The following DBH variants were observed in gnomAD, a reference collection of about 807,000 sequenced individuals.
DBH encodes the protein dopamine beta-hydroxylase, also known as dopamine beta-hydroxylase (dopamine beta-monooxygenase).
Under a neutral mutation model 64.0 loss-of-function variants are expected in DBH, and 49 were observed. The ratio of observed to expected loss-of-function variants is 0.77; its 90% CI spans 0.61 to 0.97. DBH has a LOEUF of 0.97. DBH is among the 50% of genes least tolerant of loss of function. The pLI, the probability that DBH is intolerant of heterozygous loss-of-function variation, is 0.00. For synonymous variants in DBH, 343 were observed against 347.1 expected, an observed-to-expected ratio of 0.99 and a Z score of 0.13; for missense variants, 828 against 826.6, an observed-to-expected ratio of 1.00 and a Z score of -0.02.
At chr9:133,652,191 G>T (rs554987918) in intron 7 of DBH, 55 bp from the exon 8 acceptor site, 3 of 1,608,244 alleles carry the variant, frequency 1.9e-6, no homozygotes, top group Non-Finnish European at 2.6e-6. Context: ...CGGGGGTCTG[G>T]TCTGCAGCTC....
Position 133,637,950 on chromosome 9 carries a change from C to T in DBH, c.339+1240C>T, listed in dbSNP as rs373040346. 3.3e-5 allele frequency among the ~76,000 whole-genome samples: 5 copies of T among 152,342 alleles called. No homozygotes were observed. In the East Asian group the frequency reaches 5.8e-4, roughly 18 times the overall value. On this transcript the variant is annotated intron_variant, in intron 1 of 11. Coordinates refer to ENST00000393056, the MANE Select transcript of DBH (RefSeq NM_000787.4). The stretch of plus-strand genomic sequence containing the variant: ...ACCTGGGACAGCCCTGATTCTGAGC[C>T]GTCAGCCGTCTGGAGGAGCAGCTGA...
chr9:133,656,270 CCGTTT>C (rs1439523332), intron 9 of DBH: 4 of 490,276 alleles, frequency 8.2e-6, no homozygotes, highest in Admixed American at 3.2e-5. Flanking sequence ...TCCGCTTGTC[CCGTTT>C]CATTTTTCCT....
chr9:133,650,653 T>TTCTCCTGTCTCAGCCTCCTG (rs974449081), intron 6 of DBH, among the ~76,000 whole-genome samples: 21 of 151,704 alleles, frequency 1.4e-4, no homozygotes, highest in East Asian at 7.8e-4. Flanking sequence ...GTTCAAGTGA[T>TTCTCCTGTCTCAGCCTCCTG]TCTCCTGTCT....
chr9:133,643,688 AGGGGCTCCCAAG>A lies in DBH; in HGVS notation c.921+107_921+118del. ...CTTCACCGTCTCAGAGGCTTCAAGAAGGGGCTCCCAAGGGGGCTCACGAGGCCACCAGAAGGG... is the reference window on the plus strand; with the variant it reads ...CTTCACCGTCTCAGAGGCTTCAAGAAGGGGCTCACGAGGCCACCAGAAGGG... On this transcript the variant is annotated intron_variant, in intron 4 of 11. Coordinates refer to ENST00000393056, the MANE Select transcript of DBH (RefSeq NM_000787.4). The surrounding 1 kb of genome is among the most constrained non-coding windows in gnomAD (Gnocchi z 5.3). The A allele has an allele frequency of 7.0e-7, 1 of 1,437,002 alleles. No homozygotes were observed. Among genetic ancestry groups the A allele is most frequent in the Non-Finnish European group, 9.5e-7 (1 of 1,048,536 alleles). The allele number at this position is 1,437,002 out of a possible 1,614,324, so 89.0% of individuals were successfully genotyped here. A position where few individuals can be genotyped will look rare whatever the true frequency, so the allele number is the denominator to read the frequency against.
intron 9 of DBH, chr9:133,654,517 C>G (rs59164034): frequency 0.11 from 17,407 of 152,306 alleles, 1,077 homozygotes; most frequent in South Asian, 0.2. Flanking sequence ...CCCACCCTTC[C>G]TGTCTCCCTT....
At chr9:133,637,095 A>G (rs555708872) in intron 1 of DBH, among the ~76,000 whole-genome samples, 1 of 152,278 alleles carries the variant, frequency 6.6e-6, no homozygotes, top group African/African-American at 2.4e-5. Flanking sequence ...ACGTCCCCAG[A>G]GCACACATGC....
chr9:133,636,685 C>A lies in DBH; in HGVS notation c.314C>A (p.Thr105Asn), dbSNP rs1832057233. The change falls in exon 1 of 12, where the codon ACC becomes AAC. Residue 105 changes from threonine (T) to asparagine (N), a missense_variant. Physicochemically the swap from Thr to Asn is moderately conservative, Grantham distance 65. Transcript: ENST00000393056. ...AACGCAGATCTCGTGGTGCTCTGGA[C>A]CGATGGGGACACTGCCTATTTTGCG... ...LENADLVVLW[T>N]DGDTAYFADA... The A allele has an allele frequency of 2.5e-6, 4 of 1,605,150 alleles. No homozygotes were observed. The South Asian group carries it at 4.4e-5, about 18-fold the overall frequency.
intron 6 of DBH, among the ~76,000 whole-genome samples, chr9:133,649,195 C>T (rs1006450662): frequency 2.0e-5 from 3 of 152,170 alleles, no homozygotes; most frequent in Admixed American, 6.6e-5. Context: ...TTCCTATGCT[C>T]GGTTTTTCCA....
intron 9 of DBH, 90 bp downstream of exon 9, chr9:133,653,089 C>T (rs1036210988): frequency 7.0e-6 from 7 of 1,005,548 alleles, no homozygotes; most frequent in Non-Finnish European, 1.1e-5. Context: ...TGACTCCTCA[C>T]TTAGGGCATG....
At chr9:133,644,899 G>C (rs1362976643) in intron 5 of DBH, among the ~76,000 whole-genome samples, 1 of 152,100 alleles carries the variant, frequency 6.6e-6, no homozygotes, top group Admixed American at 6.5e-5. Context: ...CCCTCTCTCT[G>C]TTGCACCAGC....
In DBH at chr9:133,639,903, C is replaced by A. The variant is rs1195250690; in HGVS notation, c.397C>A (p.Leu133Met). Residue 133 changes from leucine to methionine, a missense_variant, in exon 2 of 12, where the codon CTG (leucine) becomes ATG (methionine). Transcript: ENST00000393056. ...CCTGGATCCCCAGCAGGACTACCAG[C>A]TGCTGCAGGTGCAGAGGACCCCAGA... ...IHLDPQQDYQ[L>M]LQVQRTPEGL... is the part of the protein sequence containing the mutation. 6.2e-7 allele frequency: 1 copy of A among 1,613,394 alleles called. No individual in the cohort carries two copies.
rs756253986 is a variant in DBH at position 133,647,793 on chromosome 9, A to C, written c.1025-53A>C. 28 of 1,605,720 alleles carry C rather than the reference A, an allele frequency of 1.7e-5. 1 individual carries two copies. The highest frequency in any genetic ancestry group is 1.7e-4 in the South Asian group (15 of 90,634). On this transcript the variant is annotated intron_variant, in intron 5 of 11. Coordinates refer to ENST00000393056, the MANE Select transcript of DBH (RefSeq NM_000787.4). ...TAGGGATAATCTGTCCGCAGGGGGA[A>C]GTGAGAGGGCCTCCACTTACCGCTC...
At chr9:133,637,431 C>T (rs1832066537) in intron 1 of DBH, among the ~76,000 whole-genome samples, 1 of 152,262 alleles carries the variant, frequency 6.6e-6, no homozygotes, top group East Asian at 1.9e-4. Flanking sequence ...AGCCCACCGC[C>T]TACAATGGGT....
chr9:133,640,071 C>T (rs1173245852), intron 2 of DBH, 79 bp downstream of exon 2: 1 of 1,565,884 alleles, frequency 6.4e-7, no homozygotes, highest in African/African-American at 1.4e-5. Context: ...GTCATAGTAC[C>T]TTTCCTGTCC....
Position 133,643,904 on chromosome 9 carries a change from G to A in DBH, c.922-314G>A, listed in dbSNP as rs1832147454. ...GGTCCCAGGGCTGGCTGGCGGTGGGGCCAGTGTTGAGGCCTCCACAGGCTG... is the reference window on the plus strand; with the variant it reads ...GGTCCCAGGGCTGGCTGGCGGTGGGACCAGTGTTGAGGCCTCCACAGGCTG... On this transcript the variant is annotated intron_variant, in intron 4 of 11. Transcript: ENST00000393056. This position sits in a 1 kb window ranked among gnomAD's most constrained non-coding sequence, Gnocchi z 5.3. 6.6e-6 allele frequency among the ~76,000 whole-genome samples: 1 copy of A among 152,168 alleles called. No individual in the cohort carries two copies.
chr9:133,649,229 GT>G, intron 6 of DBH, among the ~76,000 whole-genome samples: 1 of 152,208 alleles, frequency 6.6e-6, no homozygotes, highest in Middle Eastern at 3.4e-3. Context: ...TTTTCTTACT[GT>G]TGGTTTCTAG....
At chr9:133,648,513 CA>C (rs1244482740) in intron 6 of DBH, among the ~76,000 whole-genome samples, 2 of 152,182 alleles carry the variant, frequency 1.3e-5, no homozygotes, top group Non-Finnish European at 2.9e-5. Flanking sequence ...ACAAATTTTT[CA>C]ACAAATGGGA....
intron 2 of DBH, among the ~76,000 whole-genome samples, chr9:133,640,446 G>T (rs1832105093): frequency 6.6e-6 from 1 of 152,152 alleles, no homozygotes; most frequent in Admixed American, 6.5e-5. Context: ...TTGCCCATCT[G>T]TAAAATGGAG....
chr9:133,639,901 A>G lies in DBH; in HGVS notation c.395A>G (p.Gln132Arg). ...QIHLDPQQDY[Q>R]LLQVQRTPEG... ...CACCTGGATCCCCAGCAGGACTACC[A>G]GCTGCTGCAGGTGCAGAGGACCCCA... is the stretch of plus-strand genomic sequence containing the variant. The change falls in exon 2 of 12, where the codon CAG (glutamine) becomes CGG (arginine). Residue 132 changes from glutamine (Q) to arginine (R), a missense_variant. Transcript: ENST00000393056. 1 of 1,613,284 alleles carries G rather than the reference A, an allele frequency of 6.2e-7. No individual in the cohort carries two copies. Among genetic ancestry groups the G allele is most frequent in the Non-Finnish European group, 8.5e-7 (1 of 1,179,740 alleles).
Sources: allele counts gnomAD v4.1 joint callset (sites outside exome capture counted in the v4.1 genomes callset), GRCh38; gene constraint gnomAD v4.1.1; non-coding constraint Gnocchi (gnomAD v3.1); transcripts MANE v1.5; gene names NCBI Gene and HGNC (gene_info 2026-07-23, HGNC 2026-07-21).